CEP295: variants seen among roughly 807,000 people sequenced by gnomAD.
CEP295 encodes centrosomal protein of 295 kDa.
A neutral mutation model predicts 291.6 loss-of-function variants in CEP295; 190 were observed. The observed-to-expected ratio is 0.65, with a 90% CI of 0.58 to 0.73. The LOEUF is 0.73. Among genes scored for constraint, CEP295 ranks in the 30% least tolerant of loss-of-function variants. CEP295 has a pLI of 0.00. For missense variants in CEP295, 2,863 were observed against 2,949.4 expected, an observed-to-expected ratio of 0.97 and a Z score of 0.68; for synonymous variants, 993 against 1,038.8, an observed-to-expected ratio of 0.96 and a Z score of 0.85.
At chr11:93,685,394 C>A (rs1214354629) in intron 9 of CEP295, among the ~76,000 whole-genome samples, 2 of 152,180 alleles carry the variant, frequency 1.3e-5, no homozygotes, top group Admixed American at 6.5e-5. Context: ...CTTCACCCTA[C>A]ACCGTGAACG....
Position 93,697,428 on chromosome 11 carries a change from A to AT in CEP295, c.2517dup (p.Ile840TyrfsTer7). 6.4e-7 allele frequency: 1 copy of AT among 1,552,234 alleles called. No individual in the cohort carries two copies. On this transcript the variant is annotated frameshift_variant, in exon 15 of 30. Transcript: ENST00000325212. LOFTEE classifies it high-confidence loss of function. ...GATAGGCCTTTGCTGCCGTCAGAGA[A>AT]TATCACAGCCCAGCAAGGTAATATG...
At chr11:93,692,982 A>C (rs542689273) in intron 12 of CEP295, among the ~76,000 whole-genome samples, 2 of 150,020 alleles carry the variant, frequency 1.3e-5, no homozygotes, top group East Asian at 2.0e-4. Flanking sequence ...CAAAAAAAAA[A>C]AAAAAAAACA....
chr11:93,725,484 A>C (rs1954075997), intron 22 of CEP295, among the ~76,000 whole-genome samples, 167 bp from the exon 23 acceptor site: 3 of 152,244 alleles, frequency 2.0e-5, no homozygotes, highest in Non-Finnish European at 4.4e-5. Context: ...GACATTTTAA[A>C]GTCTCTTTCA....
chr11:93,687,567 C>T (rs1951306001), intron 9 of CEP295, 77 bp from the exon 10 acceptor site: 3 of 758,430 alleles, frequency 4.0e-6, no homozygotes. Flanking sequence ...ATAGCAGTAA[C>T]CGAATATAAG....
At chr11:93,716,680 A>G (rs1477370279) in intron 18 of CEP295, among the ~76,000 whole-genome samples, 1 of 152,246 alleles carries the variant, frequency 6.6e-6, no homozygotes, top group East Asian at 1.9e-4. Flanking sequence ...GCAAGCTTAC[A>G]GTGGTGTGAA....
intron 15 of CEP295, among the ~76,000 whole-genome samples, chr11:93,701,823 C>T (rs1053368717): frequency 4.6e-5 from 7 of 151,718 alleles, no homozygotes; most frequent in African/African-American, 1.7e-4. Flanking sequence ...AGGCTGGTTT[C>T]AATCTCCTGA....
rs1206537709 is a variant in CEP295, at chr11:93,696,761, G to T, written c.1849G>T (p.Val617Leu). The change falls in exon 15 of 30, where the codon GTG (valine) becomes TTG (leucine). Residue 617 changes from valine to leucine, a missense_variant. Val to Leu is a conservative substitution (Grantham distance 32). Transcript: ENST00000325212. Reference protein sequence around the residue: ...QTMLKGRCPSVSAPSLITDSV... With the variant: ...QTMLKGRCPSLSAPSLITDSV... Reference sequence around the variant, plus strand: ...TATGTTAAAAGGAAGGTGCCCATCGGTGTCAGCTCCATCATTGATAACTGA... The same window carrying T: ...TATGTTAAAAGGAAGGTGCCCATCGTTGTCAGCTCCATCATTGATAACTGA... The T allele has an allele frequency of 6.4e-7, 1 of 1,551,376 alleles. No homozygotes were observed. Among genetic ancestry groups the T allele is most frequent in the Non-Finnish European group, 8.7e-7 (1 of 1,146,826 alleles).
Position 93,690,273 on chromosome 11 carries a change from T to C in CEP295, c.1337-1410T>C, listed in dbSNP as rs545519422. On this transcript the variant is annotated intron_variant, in intron 10 of 29. Transcript: ENST00000325212. The stretch of plus-strand genomic sequence containing the variant: ...AAAAATACAAAAGATTAGCCGTGCA[T>C]GGGCTGGGTGCGGTGGCTCATGCCT... Among the ~76,000 whole-genome samples the C allele has an allele frequency of 1.5e-4, 23 of 151,978 alleles. No individual in the cohort carries two copies. In the East Asian group the frequency reaches 4.5e-3, roughly 30 times the overall value.
intron 23 of CEP295, 116 bp downstream of exon 23, chr11:93,725,947 C>T (rs1384489760): frequency 1.4e-6 from 1 of 727,038 alleles, no homozygotes; most frequent in East Asian, 2.7e-5. Flanking sequence ...CACCCCTATC[C>T]TGGGTGTTAA....
chr11:93,683,196 A>G (rs1006138213), intron 7 of CEP295, among the ~76,000 whole-genome samples: 1 of 152,204 alleles, frequency 6.6e-6, no homozygotes, highest in Non-Finnish European at 1.5e-5. Flanking sequence ...AGCCATGGCA[A>G]CTTATATAGA....
intron 18 of CEP295, among the ~76,000 whole-genome samples, chr11:93,720,439 A>G (rs1209718355): frequency 6.9e-6 from 1 of 145,396 alleles, no homozygotes; most frequent in Admixed American, 7.1e-5. Flanking sequence ...GCGCCACTGC[A>G]TTCCAGCCTG....
At chr11:93,664,362 C>G (rs1412098342) in intron 1 of CEP295, among the ~76,000 whole-genome samples, 1 of 152,226 alleles carries the variant, frequency 6.6e-6, no homozygotes, top group Admixed American at 6.5e-5. Flanking sequence ...CTTCCCTTGG[C>G]TCCGCCACTA....
chr11:93,725,901 G>A lies in CEP295; in HGVS notation c.6499+70G>A, dbSNP rs1203395192. The A allele has an allele frequency of 2.3e-6, 3 of 1,322,372 alleles. No homozygotes were observed. The African/African-American group carries it at 4.4e-5, about 20-fold the overall frequency. The allele number at this position is 1,322,372 out of a possible 1,614,324, so 81.9% of individuals were successfully genotyped here. A position where few individuals can be genotyped will look rare whatever the true frequency, so the allele number is the denominator to read the frequency against. On this transcript the variant is annotated intron_variant, in intron 23 of 29. Transcript: ENST00000325212. ...TTACATCCATTTCCTTAGAAATTAA[G>A]CCTAGCACCTCTTGGTTTGTCTTCA...
Position 93,728,731 on chromosome 11 carries a change from A to AAGC in CEP295, c.7214_7216dup (p.Ser2405dup), listed in dbSNP as rs1937789138. On this transcript the variant is annotated inframe_insertion, in exon 25 of 30. Transcript: ENST00000325212. The stretch of plus-strand genomic sequence containing the variant: ...TGGAAGAACCAGAACTTACTTTAAT[A>AAGC]AGCACCACTGATACCAGTATTGCTG... 1 of 1,550,284 alleles carries AAGC rather than the reference A, an allele frequency of 6.5e-7. No individual in the cohort carries two copies.
chr11:93,696,752 T>C lies in CEP295; in HGVS notation c.1840T>C (p.Cys614Arg). The C allele has an allele frequency of 6.4e-7, 1 of 1,551,340 alleles. No individual in the cohort carries two copies. The highest frequency in any genetic ancestry group is 8.7e-7 in the Non-Finnish European group (1 of 1,146,628). ...ATATCAAACTATGTTAAAAGGAAGG[T>C]GCCCATCGGTGTCAGCTCCATCATT... ...LEYQTMLKGR[C>R]PSVSAPSLIT... is the part of the protein sequence containing the mutation. The change falls in exon 15 of 30, where the codon TGC (cysteine) becomes CGC (arginine). Residue 614 changes from cysteine (C) to arginine (R), a missense_variant. By Grantham distance (180) the Cys-to-Arg change is radical (BLOSUM62 -3). Coordinates refer to ENST00000325212, the MANE Select transcript of CEP295 (RefSeq NM_033395.2).
intron 25 of CEP295, chr11:93,729,107 C>G: frequency 2.0e-6 from 1 of 490,522 alleles, no homozygotes; most frequent in Non-Finnish European, 3.6e-6. Flanking sequence ...TAAACTTATT[C>G]CCAGATATTG....
Position 93,697,670 on chromosome 11 carries a change from A to G in CEP295, c.2758A>G (p.Ile920Val). 6.4e-7 allele frequency: 1 copy of G among 1,551,868 alleles called. No individual in the cohort carries two copies. The highest frequency in any genetic ancestry group is 1.2e-5 in the South Asian group (1 of 84,066). ...IQESSPTKNN[I>V]AVSSDHHVIS... ...GGAATCTTCACCAACCAAGAATAAT[A>G]TTGCAGTTTCCTCAGACCATCATGT... Residue 920 changes from isoleucine to valine, a missense_variant, in exon 15 of 30, where the codon ATT becomes GTT. Physicochemically the swap from Ile to Val is conservative, Grantham distance 29. This residue lies in a region of CEP295 where 2,295 missense variants were observed against 2,335.7 expected (regional missense o/e 0.98). Transcript: ENST00000325212.
At chr11:93,679,836 C>T (rs1950878373) in intron 7 of CEP295, among the ~76,000 whole-genome samples, 1 of 152,214 alleles carries the variant, frequency 6.6e-6, no homozygotes, top group Admixed American at 6.5e-5. Flanking sequence ...AAAAAAATCA[C>T]TTTCCTGATT....
intron 12 of CEP295, among the ~76,000 whole-genome samples, chr11:93,693,005 C>T (rs1027776887): frequency 1.1e-4 from 16 of 147,278 alleles, no homozygotes; most frequent in African/African-American, 3.5e-4. Context: ...AGGCCGGGCC[C>T]GGTGGCTCAC....
Sources: gnomAD v4.1 joint callset for allele counts (sites outside exome capture counted in the v4.1 genomes callset) on GRCh38, gnomAD v4.1.1 for gene constraint, gnomAD v4.1.1 regional missense constraint, MANE v1.5 for transcripts, NCBI Gene and HGNC (gene_info 2026-07-23, HGNC 2026-07-21) for gene names.